The following CHD6 variants were observed in gnomAD, a reference collection of about 807,000 sequenced individuals.
The protein encoded by CHD6 is chromodomain helicase DNA binding protein 6.
CHD6 carries 50 observed loss-of-function variants against 276.9 expected under a neutral mutation model. The ratio of observed to expected loss-of-function variants is 0.18; its 90% CI spans 0.14 to 0.23. The LOEUF (loss-of-function observed/expected upper bound fraction) is 0.23. Among genes scored for constraint, CHD6 ranks in the 10% least tolerant of loss-of-function variants. CHD6 has a pLI of 1.00. For missense variants in CHD6, 2,564 were observed against 3,365.8 expected, an observed-to-expected ratio of 0.76 and a Z score of 5.89; for synonymous variants, 1,173 against 1,229.3, an observed-to-expected ratio of 0.95 and a Z score of 0.96.
intron 1 of CHD6, among the ~76,000 whole-genome samples, chr20:41,553,343 T>C (rs939249361): frequency 6.6e-6 from 1 of 152,354 alleles, no homozygotes; most frequent in East Asian, 1.9e-4. Flanking sequence ...CTACCTTTCT[T>C]CAAGCCTCCT....
intron 31 of CHD6, among the ~76,000 whole-genome samples, chr20:41,417,638 A>C (rs947972946): frequency 6.6e-6 from 1 of 152,186 alleles, no homozygotes; most frequent in African/African-American, 2.4e-5. Flanking sequence ...TGTATCCAAG[A>C]GTGAAAGAGA....
chr20:41,554,818 G>C (rs189946157), intron 1 of CHD6, among the ~76,000 whole-genome samples: 2 of 152,282 alleles, frequency 1.3e-5, no homozygotes, highest in Admixed American at 6.5e-5. Context: ...ATTTCTCAAT[G>C]TTTTCCCCAC....
chr20:41,445,886 AG>A, intron 24 of CHD6, 118 bp from the exon 25 acceptor site: 1 of 633,322 alleles, frequency 1.6e-6, no homozygotes, highest in Non-Finnish European at 2.9e-6. Context: ...CAAAAGGGTT[AG>A]GAAGGCTGTG....
intron 1 of CHD6, among the ~76,000 whole-genome samples, chr20:41,579,928 G>C (rs527436842): frequency 6.6e-6 from 1 of 152,184 alleles, no homozygotes; most frequent in South Asian, 2.1e-4. Context: ...TTGGGTTTTT[G>C]TTTTGTTTTG....
At chr20:41,592,347 A>T (rs1568722771) in intron 1 of CHD6, among the ~76,000 whole-genome samples, 2 of 152,246 alleles carry the variant, frequency 1.3e-5, no homozygotes, top group African/African-American at 2.4e-5. Flanking sequence ...ATGGCAGAAA[A>T]CAAAATAGAA....
chr20:41,451,754 G>A (rs1191798631), intron 22 of CHD6, 72 bp downstream of exon 22: 5 of 1,304,130 alleles, frequency 3.8e-6, no homozygotes, highest in African/African-American at 1.5e-5. Flanking sequence ...ACAGCAATAC[G>A]GCCCCGCAGA....
chr20:41,503,883 G>C (rs2043900926), intron 5 of CHD6, among the ~76,000 whole-genome samples: 2 of 151,766 alleles, frequency 1.3e-5, no homozygotes. Flanking sequence ...TTTGAGACCA[G>C]CCTGGCCAAC....
intron 1 of CHD6, among the ~76,000 whole-genome samples, chr20:41,600,432 AG>A (rs759618187): frequency 4.0e-5 from 6 of 151,770 alleles, no homozygotes; most frequent in Non-Finnish European, 7.4e-5. Flanking sequence ...GGGTAGAGTG[AG>A]GGGGGGGTCT....
chr20:41,610,256 A>G (rs909882418), intron 1 of CHD6, among the ~76,000 whole-genome samples: 1 of 152,162 alleles, frequency 6.6e-6, no homozygotes, highest in African/African-American at 2.4e-5. Flanking sequence ...CAATCTTATC[A>G]TTGATTTTTA....
At chr20:41,583,754 G>C (rs1307770390) in intron 1 of CHD6, among the ~76,000 whole-genome samples, 1 of 152,084 alleles carries the variant, frequency 6.6e-6, no homozygotes, top group African/African-American at 2.4e-5. Context: ...GGATGAAGAG[G>C]AAAAACTGGA....
At chr20:41,576,227 T>C (rs1311569377) in intron 1 of CHD6, among the ~76,000 whole-genome samples, 1 of 152,228 alleles carries the variant, frequency 6.6e-6, no homozygotes, top group Non-Finnish European at 1.5e-5. Context: ...AGCCCTGTAA[T>C]AATAATTACC....
chr20:41,457,442 G>T lies in CHD6; in HGVS notation c.2665-14C>A. 3.7e-6 allele frequency: 6 copies of T among 1,605,668 alleles called. No individual in the cohort carries two copies. The highest frequency in any genetic ancestry group is 4.3e-6 in the Non-Finnish European group (5 of 1,173,026). On this transcript the variant is annotated splice_polypyrimidine_tract_variant and intron_variant, in intron 17 of 36. Coordinates refer to ENST00000373233, the MANE Select transcript of CHD6 (RefSeq NM_032221.5). ...TCGGGCCTGAGCCTGGGAAGAAGAA[G>T]AGTCATATGCATCACGTCACCGTAT...
At chr20:41,496,194 T>G (rs2043681397) in intron 8 of CHD6, among the ~76,000 whole-genome samples, 1 of 152,222 alleles carries the variant, frequency 6.6e-6, no homozygotes, top group Non-Finnish European at 1.5e-5. Context: ...GCAGTAAATG[T>G]GTAGTTAATT....
intron 29 of CHD6, 40 bp from the exon 30 acceptor site, chr20:41,423,740 CT>C (rs1035965162): frequency 3.2e-6 from 5 of 1,541,716 alleles, no homozygotes; most frequent in Admixed American, 1.7e-5. Flanking sequence ...GCTCTTTCTT[CT>C]TTTTTTAAAG....
intron 13 of CHD6, among the ~76,000 whole-genome samples, chr20:41,488,092 G>C (rs6102429): frequency 6.6e-6 from 1 of 152,146 alleles, no homozygotes; most frequent in Non-Finnish European, 1.5e-5. Context: ...ACTGTGCCAA[G>C]GCAGTAATGT....
chr20:41,406,243 T>C (rs968302447), intron 36 of CHD6, among the ~76,000 whole-genome samples: 2 of 152,226 alleles, frequency 1.3e-5, no homozygotes, highest in African/African-American at 4.8e-5. Flanking sequence ...AAGTGGTGGT[T>C]CTCCCTAAGG....
intron 7 of CHD6, 108 bp from the exon 8 acceptor site, chr20:41,497,609 G>T: frequency 2.5e-6 from 2 of 808,828 alleles, no homozygotes; most frequent in South Asian, 2.8e-5. Flanking sequence ...TAGTAAAATG[G>T]TTTATTGTGA....
intron 2 of CHD6, among the ~76,000 whole-genome samples, chr20:41,546,233 G>C (rs975145744): frequency 9.9e-5 from 15 of 152,202 alleles, no homozygotes; most frequent in Middle Eastern, 6.8e-3. Context: ...GAAAGTCTTT[G>C]AGATTCTCAC....
Position 41,450,773 on chromosome 20 carries a change from G to A in CHD6, c.3683+173C>T, listed in dbSNP as rs115520127. The stretch of plus-strand genomic sequence containing the variant: ...CAGAGGTACTGTTAAAGGAGTTATA[G>A]GAGCTGTAACATGAATTCTGAGCCA... On this transcript the variant is annotated intron_variant, in intron 23 of 36. Transcript: ENST00000373233. Among the ~76,000 whole-genome samples, 697 of 152,324 alleles carry A rather than the reference G, an allele frequency of 4.6e-3. 5 individuals carry two copies. The highest frequency in any genetic ancestry group is 0.016 in the African/African-American group (662 of 41,572).
Sources: gnomAD v4.1 joint callset for allele counts (sites outside exome capture counted in the v4.1 genomes callset) on GRCh38, gnomAD v4.1.1 for gene constraint, MANE v1.5 for transcripts, NCBI Gene and HGNC (gene_info 2026-07-23, HGNC 2026-07-21) for gene names.